PTPRG: variants seen among roughly 807,000 people sequenced by gnomAD.
The protein encoded by PTPRG is receptor-type tyrosine-protein phosphatase gamma.
PTPRG carries 102 observed loss-of-function variants against 165.3 expected under a neutral mutation model. That is an observed-to-expected ratio of 0.62 (90% CI 0.53 to 0.73). The LOEUF (loss-of-function observed/expected upper bound fraction) is 0.73. Among genes scored for constraint, PTPRG ranks in the 30% least tolerant of loss-of-function variants. The probability of loss-of-function intolerance (pLI) is 0.00; values close to 1 mark genes in which losing one functional copy is unlikely to be tolerated. For missense variants in PTPRG, 1,866 were observed against 1,861.4 expected, an observed-to-expected ratio of 1.00 and a Z score of -0.05; for synonymous variants, 675 against 669.5, an observed-to-expected ratio of 1.01 and a Z score of -0.13.
intron 1 of PTPRG, among the ~76,000 whole-genome samples, chr3:61,584,662 A>C (rs1437165347): frequency 6.6e-6 from 1 of 150,690 alleles, no homozygotes; most frequent in African/African-American, 2.4e-5. Context: ...TCCCGCTTTG[A>C]TCTAAGGCCT....
chr3:61,910,281 T>G (rs2038767090), intron 2 of PTPRG, among the ~76,000 whole-genome samples: 1 of 152,234 alleles, frequency 6.6e-6, no homozygotes, highest in Non-Finnish European at 1.5e-5. Flanking sequence ...TGAATTTGTT[T>G]GTTGCCGAAT....
At chr3:62,097,368 A>G (rs977184725) in intron 5 of PTPRG, among the ~76,000 whole-genome samples, 2 of 152,208 alleles carry the variant, frequency 1.3e-5, no homozygotes, top group Admixed American at 6.5e-5. Flanking sequence ...ATGAAAACCT[A>G]AATAAGTCCC....
chr3:61,717,997 T>C (rs1575607652), intron 1 of PTPRG, among the ~76,000 whole-genome samples: 1 of 151,664 alleles, frequency 6.6e-6, no homozygotes, highest in South Asian at 2.1e-4. Context: ...CTGGCCAACA[T>C]GGTGAAACCC....
intron 2 of PTPRG, chr3:61,925,918 G>T (rs761524361): frequency 1.0e-5 from 5 of 495,020 alleles, no homozygotes; most frequent in South Asian, 7.4e-5. Context: ...AACCAGCAGT[G>T]TTTCCATAGG....
At chr3:61,971,059 A>G (rs2040370048) in intron 2 of PTPRG, among the ~76,000 whole-genome samples, 1 of 152,058 alleles carries the variant, frequency 6.6e-6, no homozygotes, top group African/African-American at 2.4e-5. Context: ...GGAGGACTTC[A>G]TGTCTTTTTT....
At chr3:61,969,397 T>C (rs1051580202) in intron 2 of PTPRG, among the ~76,000 whole-genome samples, 9 of 152,206 alleles carry the variant, frequency 5.9e-5, no homozygotes, top group Non-Finnish European at 1.2e-4. Flanking sequence ...GTGAATGAAT[T>C]AATTTTTCTT....
chr3:61,944,650 A>G (rs2039712274), intron 2 of PTPRG, among the ~76,000 whole-genome samples: 1 of 152,172 alleles, frequency 6.6e-6, no homozygotes, highest in Non-Finnish European at 1.5e-5. Flanking sequence ...TGACTAGGAT[A>G]GTTGTCAGCC....
At chr3:62,191,720 C>A (rs1699827401) in intron 9 of PTPRG, 67 bp downstream of exon 9, 1 of 1,460,446 alleles carries the variant, frequency 6.8e-7, no homozygotes, top group Non-Finnish European at 9.4e-7. Context: ...AGCTCTCTGC[C>A]AGGCACTGCA....
In PTPRG at chr3:62,013,889, A is replaced by C. The variant is rs547589759; in HGVS notation, c.519+10392A>C. On this transcript the variant is annotated intron_variant, in intron 4 of 29. Coordinates refer to ENST00000474889, the MANE Select transcript of PTPRG (RefSeq NM_002841.4). ...CTATTCTTCTCAGAATCCACTTCCA[A>C]GCTCGGGAACTCAAATAAAGCTGGC... is the stretch of plus-strand genomic sequence containing the variant. 4.0e-3 allele frequency among the ~76,000 whole-genome samples: 602 copies of C among 152,040 alleles called. 5 individuals carry two copies. Among genetic ancestry groups the C allele is most frequent in the Non-Finnish European group, 6.2e-3 (421 of 68,002 alleles).
At chr3:62,010,645 A>C (rs763283833) in intron 4 of PTPRG, among the ~76,000 whole-genome samples, 7 of 152,116 alleles carry the variant, frequency 4.6e-5, no homozygotes, top group African/African-American at 1.7e-4. Flanking sequence ...ATGAGAGTCT[A>C]TCTCTAATAA....
chr3:62,125,587 C>T (rs1045229686), intron 5 of PTPRG, among the ~76,000 whole-genome samples: 3 of 152,036 alleles, frequency 2.0e-5, no homozygotes, highest in Admixed American at 1.3e-4. Context: ...CAAAGTTGTC[C>T]AGCACTGCCA....
At chr3:61,738,307 T>TAC (rs2032827418) in intron 1 of PTPRG, among the ~76,000 whole-genome samples, 2 of 88,954 alleles carry the variant, frequency 2.2e-5, no homozygotes, top group African/African-American at 4.1e-5. Flanking sequence ...TATATATATA[T>TAC]ATATACATAT....
At chr3:62,131,399 C>T (rs1256378682) in intron 5 of PTPRG, among the ~76,000 whole-genome samples, 1 of 152,146 alleles carries the variant, frequency 6.6e-6, no homozygotes, top group Non-Finnish European at 1.5e-5. Flanking sequence ...TCAGAGAGGA[C>T]ACACTAGGAA....
intron 1 of PTPRG, among the ~76,000 whole-genome samples, chr3:61,631,452 G>A (rs938633036): frequency 6.6e-5 from 10 of 152,102 alleles, no homozygotes; most frequent in African/African-American, 1.4e-4. Context: ...TATCTTAGTG[G>A]TTATTGTTAG....
chr3:62,049,806 T>G (rs1700414591), intron 4 of PTPRG, among the ~76,000 whole-genome samples: 1 of 152,226 alleles, frequency 6.6e-6, no homozygotes, highest in African/African-American at 2.4e-5. Flanking sequence ...TGAAGGACAC[T>G]AAAACTGCTT....
chr3:62,205,425 C>G (rs555540783), intron 12 of PTPRG, among the ~76,000 whole-genome samples: 1 of 152,304 alleles, frequency 6.6e-6, no homozygotes, highest in Non-Finnish European at 1.5e-5. Flanking sequence ...GTAACACAGA[C>G]TTCTCTTCTC....
intron 2 of PTPRG, among the ~76,000 whole-genome samples, chr3:61,817,081 T>C (rs1199158242): frequency 7.5e-6 from 1 of 132,554 alleles, no homozygotes; most frequent in Admixed American, 9.0e-5. Context: ...ATATTATATA[T>C]AATATATATT....
At chr3:62,188,253 T>TGA (rs1699715302) in intron 8 of PTPRG, among the ~76,000 whole-genome samples, 1 of 152,184 alleles carries the variant, frequency 6.6e-6, no homozygotes, top group Non-Finnish European at 1.5e-5. Context: ...TATGCACCTG[T>TGA]AGTCCTAGCT....
chr3:61,595,261 T>C (rs574773939), intron 1 of PTPRG, among the ~76,000 whole-genome samples: 1 of 152,126 alleles, frequency 6.6e-6, no homozygotes, highest in East Asian at 1.9e-4. Flanking sequence ...TTTGTTTCTA[T>C]GCTAGGTGCT....
Sources: allele counts gnomAD v4.1 joint callset (sites outside exome capture counted in the v4.1 genomes callset), GRCh38; gene constraint gnomAD v4.1.1; transcripts MANE v1.5; gene names NCBI Gene and HGNC (gene_info 2026-07-23, HGNC 2026-07-21).